The following ZNF784 variants were observed in gnomAD, a reference collection of about 807,000 sequenced individuals.
ZNF784 encodes the protein zinc finger protein 784.
In ZNF784, 5 loss-of-function variants were observed where a neutral mutation model predicts 3.3. That is an observed-to-expected ratio of 1.53 (90% CI 0.80 to 3.22). ZNF784 has a LOEUF of 3.22. Among genes scored for constraint, ZNF784 ranks in the 30% most tolerant of loss-of-function variants. The pLI, the probability that ZNF784 is intolerant of heterozygous loss-of-function variation, is 0.00. For synonymous variants in ZNF784, 231 were observed against 219.6 expected, an observed-to-expected ratio of 1.05 and a Z score of -0.46; for missense variants, 501 against 480.7, an observed-to-expected ratio of 1.04 and a Z score of -0.39.
chr19:55,624,374 TA>T, intron 1 of ZNF784, 109 bp downstream of exon 1: 1 of 721,264 alleles, frequency 1.4e-6, no homozygotes, highest in South Asian at 1.9e-5. Context: ...GCCATAGCAC[TA>T]AATACCTCCC....
At position 55,622,252 on chromosome 19, in the gene ZNF784, G is replaced by C. The variant is rs1305737886; in HGVS notation, c.471C>G (p.Thr157=). The change falls in exon 2 of 2, where the codon ACC becomes ACG. Residue 157 remains threonine, a synonymous_variant. Coordinates refer to ENST00000325351, the MANE Select transcript of ZNF784 (RefSeq NM_203374.2). The surrounding 1 kb of genome is among the most constrained non-coding windows in gnomAD (Gnocchi z 5.9). ...CCGCTGTGTCCGGAGGCCTCCGAGAGGTGCCCGGCTCCACCCCGTGCCGGT... is the reference window on the plus strand; with the variant it reads ...CCGCTGTGTCCGGAGGCCTCCGAGACGTGCCCGGCTCCACCCCGTGCCGGT... ...HQHRHGVEPG[T]SRRPPDTAAV... The C allele has an allele frequency of 1.3e-6, 2 of 1,536,356 alleles. No individual in the cohort carries two copies. Among genetic ancestry groups the C allele is most frequent in the African/African-American group, 1.4e-5 (1 of 72,974 alleles).
At chr19:55,624,389 C>T (rs1337839557) in intron 1 of ZNF784, 95 bp downstream of exon 1, 1 of 967,710 alleles carries the variant, frequency 1.0e-6, no homozygotes, top group Non-Finnish European at 1.5e-6. Flanking sequence ...ACCTCCCTCG[C>T]CCACCCCCTC....
Position 55,622,611 on chromosome 19 carries a change from G to T in ZNF784, c.112C>A (p.Pro38Thr). The change falls in exon 2 of 2, where the codon CCC (proline) becomes ACC (threonine). Residue 38 changes from proline to threonine, a missense_variant. Physicochemically the swap from Pro to Thr is conservative, Grantham distance 38 (BLOSUM62 -1). Transcript: ENST00000325351. This position sits in a 1 kb window ranked among gnomAD's most constrained non-coding sequence, Gnocchi z 5.9. Reference sequence around the variant, plus strand: ...TGGATCTCGATGAGGTCACTCGGGGGTGTGCCAGGCCGGCAGTCATCAGGC... The same window carrying T: ...TGGATCTCGATGAGGTCACTCGGGGTTGTGCCAGGCCGGCAGTCATCAGGC... ...LVPDDCRPGT[P>T]PSDLIEIQVV... 6.3e-7 allele frequency: 1 copy of T among 1,579,682 alleles called. No homozygotes were observed. The highest frequency in any genetic ancestry group is 8.6e-7 in the Non-Finnish European group (1 of 1,162,062).
In ZNF784 at chr19:55,621,528, C is replaced by T. The variant is rs1981549552; in HGVS notation, c.*223G>A. 1.5e-6 allele frequency: 1 copy of T among 645,986 alleles called. No individual in the cohort carries two copies. The highest frequency in any genetic ancestry group is 1.9e-5 in the South Asian group (1 of 51,294). 40.0% of individuals were successfully genotyped at this position (645,986 alleles called of 1,614,324 possible). A position where few individuals can be genotyped will look rare whatever the true frequency, so the allele number is the denominator to read the frequency against. Reference sequence around the variant, plus strand: ...CAGAGCTGCAAGAGCTGCACCTGTCCTCTCCTAGGCCTGGCAGAGGTGCTG... The same window carrying T: ...CAGAGCTGCAAGAGCTGCACCTGTCTTCTCCTAGGCCTGGCAGAGGTGCTG... On this transcript the variant is annotated 3_prime_UTR_variant, in exon 2 of 2. Coordinates refer to ENST00000325351, the MANE Select transcript of ZNF784 (RefSeq NM_203374.2). The surrounding 1 kb of genome is among the most constrained non-coding windows in gnomAD (Gnocchi z 4.1).
chr19:55,621,853 G>C lies in ZNF784; in HGVS notation c.870C>G (p.Gly290=), dbSNP rs560535944. ...PGLGDSGGQL[G]SSAAEGSGSG... Reference sequence around the variant, plus strand: ...TCCCCGACCCCTCAGCCGCCGACGAGCCCAGCTGGCCTCCAGAGTCTCCCA... The same window carrying C: ...TCCCCGACCCCTCAGCCGCCGACGACCCCAGCTGGCCTCCAGAGTCTCCCA... The change falls in exon 2 of 2, where the codon GGC becomes GGG. Residue 290 remains glycine (G), a synonymous_variant. Transcript: ENST00000325351. This position sits in a 1 kb window ranked among gnomAD's most constrained non-coding sequence, Gnocchi z 4.1. 3 of 1,584,222 alleles carry C rather than the reference G, an allele frequency of 1.9e-6. No homozygotes were observed. The East Asian group carries it at 6.8e-5, about 36-fold the overall frequency.
Position 55,622,008 on chromosome 19 carries a change from G to A in ZNF784, c.715C>T (p.Leu239Phe). 6.3e-7 allele frequency: 1 copy of A among 1,594,228 alleles called. No individual in the cohort carries two copies. Among genetic ancestry groups the A allele is most frequent in the Non-Finnish European group, 8.5e-7 (1 of 1,178,098 alleles). Reference protein sequence around the residue: ...CGKGFTQSSVLSGHARIHTGE... With the variant: ...CGKGFTQSSVFSGHARIHTGE... ...GTGTGGATGCGGGCGTGGCCGCTAA[G>A]CACCGAGGACTGGGTGAAGCCCTTG... The change falls in exon 2 of 2, where the codon CTT (leucine) becomes TTT (phenylalanine). Residue 239 changes from leucine to phenylalanine, a missense_variant. Transcript: ENST00000325351. This position sits in a 1 kb window ranked among gnomAD's most constrained non-coding sequence, Gnocchi z 5.9.
intron 1 of ZNF784, 50 bp downstream of exon 1, chr19:55,624,434 G>A: frequency 1.0e-6 from 1 of 965,234 alleles, no homozygotes; most frequent in Non-Finnish European, 1.5e-6. Flanking sequence ...CCCACACTAC[G>A]ACCTCCTCCC....
rs1290146168 is a variant in ZNF784 at position 55,622,342 on chromosome 19, C to T, written c.381G>A (p.Arg127=). 1.3e-6 allele frequency: 2 copies of T among 1,512,020 alleles called. No homozygotes were observed. Among genetic ancestry groups the T allele is most frequent in the Non-Finnish European group, 1.8e-6 (2 of 1,131,450 alleles). The allele number at this position is 1,512,020 out of a possible 1,614,324, so 93.7% of individuals were successfully genotyped here. ...GGGGGCAGAGCGCGCAGCGGTAGGGCCGCTCCCCCGTGTGCAAGCTGTAGT... is the reference window on the plus strand; with the variant it reads ...GGGGGCAGAGCGCGCAGCGGTAGGGTCGCTCCCCCGTGTGCAAGCTGTAGT... The part of the protein sequence containing the change: ...RAHYSLHTGE[R]PYRCALCPRA... The change falls in exon 2 of 2, where the codon CGG becomes CGA. Residue 127 remains arginine, a synonymous_variant. Transcript: ENST00000325351. The surrounding 1 kb of genome is among the most constrained non-coding windows in gnomAD (Gnocchi z 5.9).
chr19:55,622,173 C>G lies in ZNF784; in HGVS notation c.550G>C (p.Ala184Pro), dbSNP rs1010006938. The G allele has an allele frequency of 7.2e-6, 11 of 1,533,516 alleles. No individual in the cohort carries two copies. In the African/African-American group the frequency reaches 1.5e-4, roughly 21 times the overall value. The allele number at this position is 1,533,516 out of a possible 1,614,324, so 95.0% of individuals were successfully genotyped here. The change falls in exon 2 of 2, where the codon GCG becomes CCG. Residue 184 changes from alanine (A) to proline (P), a missense_variant. Transcript: ENST00000325351. The surrounding 1 kb of genome is among the most constrained non-coding windows in gnomAD (Gnocchi z 5.9). ...ACCGCTGCGCCCGCCGCCGCCGCCGCCATCACCACCTCCGCCCTCTCCGGG... is the reference window on the plus strand; with the variant it reads ...ACCGCTGCGCCCGCCGCCGCCGCCGGCATCACCACCTCCGCCCTCTCCGGG... ...VAPERAEVVM[A>P]AAAAGAAVGK... is the part of the protein sequence containing the mutation.
chr19:55,624,399 C>A, intron 1 of ZNF784, 85 bp downstream of exon 1: 1 of 1,179,302 alleles, frequency 8.5e-7, no homozygotes, highest in Non-Finnish European at 1.2e-6. Flanking sequence ...CCCACCCCCT[C>A]ATAGGCCACG....
chr19:55,622,598 A>C lies in ZNF784; in HGVS notation c.125T>G (p.Leu42Arg). ...CACCTTCACCACCTGGATCTCGATG[A>C]GGTCACTCGGGGGTGTGCCAGGCCG... ...DCRPGTPPSD[L>R]IEIQVVKVTD... Residue 42 changes from leucine to arginine, a missense_variant, in exon 2 of 2, where the codon CTC becomes CGC. Coordinates refer to ENST00000325351, the MANE Select transcript of ZNF784 (RefSeq NM_203374.2). This position sits in a 1 kb window ranked among gnomAD's most constrained non-coding sequence, Gnocchi z 5.9. 4 of 1,596,772 alleles carry C rather than the reference A, an allele frequency of 2.5e-6. No homozygotes were observed. Among genetic ancestry groups the C allele is most frequent in the Non-Finnish European group, 1.7e-6 (2 of 1,171,356 alleles).
rs1343352773 is a variant in ZNF784, at chr19:55,621,358, C to A, written c.*393G>T. ...AGAAGACTATGGTGGACCCCAATTC[C>A]CCCCTTCCATTCGATCCTGGCTCCT... On this transcript the variant is annotated 3_prime_UTR_variant, in exon 2 of 2. Coordinates refer to ENST00000325351, the MANE Select transcript of ZNF784 (RefSeq NM_203374.2). The surrounding 1 kb of genome is among the most constrained non-coding windows in gnomAD (Gnocchi z 4.1). The A allele has an allele frequency of 6.3e-6, 2 of 316,536 alleles. No individual in the cohort carries two copies. The highest frequency in any genetic ancestry group is 1.2e-5 in the Non-Finnish European group (2 of 165,590). The allele number at this position is 316,536 out of a possible 1,614,324, so 19.6% of individuals were successfully genotyped here. A position where few individuals can be genotyped will look rare whatever the true frequency, so the allele number is the denominator to read the frequency against.
In ZNF784 at chr19:55,624,472, C is replaced by T. The variant is rs750771617; in HGVS notation, c.78+12G>A. 6.2e-7 allele frequency: 1 copy of T among 1,600,306 alleles called. No homozygotes were observed. The highest frequency in any genetic ancestry group is 1.1e-5 in the South Asian group (1 of 88,854). ...CTCGAGCCCCACGCCCAGGCCCCTT[C>T]CTTGCCCGCACCAGGTCCAGTGGCT... On this transcript the variant is annotated intron_variant, in intron 1 of 1. Coordinates refer to ENST00000325351, the MANE Select transcript of ZNF784 (RefSeq NM_203374.2).
At position 55,622,303 on chromosome 19, in the gene ZNF784, G is replaced by T; in HGVS notation, c.420C>A (p.Ala140=). Residue 140 remains alanine (A), a synonymous_variant, in exon 2 of 2, where the codon GCC becomes GCA. Transcript: ENST00000325351. This position sits in a 1 kb window ranked among gnomAD's most constrained non-coding sequence, Gnocchi z 5.9. The part of the protein sequence containing the change: ...RCALCPRAFK[A]LAPLLRHQHR... ...GCTGGTGCCGGAGCAGGGGCGCCAA[G>T]GCCTTGAAGGCGCGGGGGCAGAGCG... 6.6e-7 allele frequency: 1 copy of T among 1,519,798 alleles called. No individual in the cohort carries two copies. Among genetic ancestry groups the T allele is most frequent in the African/African-American group, 1.4e-5 (1 of 72,020 alleles). 94.1% of individuals were successfully genotyped at this position (1,519,798 alleles called of 1,614,324 possible).
In ZNF784 at chr19:55,622,786, G is replaced by A; in HGVS notation, c.79-142C>T. ...TGCCCTGGCGCGATCGTGGCTCATT[G>A]CAACCTTGACCTCCTGGGCTCAAGC... On this transcript the variant is annotated intron_variant, in intron 1 of 1. Transcript: ENST00000325351. The surrounding 1 kb of genome is among the most constrained non-coding windows in gnomAD (Gnocchi z 5.9). 1.4e-6 allele frequency: 1 copy of A among 704,124 alleles called. No individual in the cohort carries two copies. Among genetic ancestry groups the A allele is most frequent in the Non-Finnish European group, 2.1e-6 (1 of 470,788 alleles). 43.6% of individuals were successfully genotyped at this position (704,124 alleles called of 1,614,324 possible). A position where few individuals can be genotyped will look rare whatever the true frequency, so the allele number is the denominator to read the frequency against.
In ZNF784 at chr19:55,621,679, C is replaced by T; in HGVS notation, c.*72G>A. ...CCTCTTCTGTCCCCTGCCTCCGTTT[C>T]CCCACCCCGTCCCCCTCCCCGGGTC... On this transcript the variant is annotated 3_prime_UTR_variant, in exon 2 of 2. Transcript: ENST00000325351. The surrounding 1 kb of genome is among the most constrained non-coding windows in gnomAD (Gnocchi z 4.1). 2 of 1,462,140 alleles carry T rather than the reference C, an allele frequency of 1.4e-6. No individual in the cohort carries two copies. The highest frequency in any genetic ancestry group is 1.9e-6 in the Non-Finnish European group (2 of 1,078,102). The allele number at this position is 1,462,140 out of a possible 1,614,324, so 90.6% of individuals were successfully genotyped here.
Position 55,621,499 on chromosome 19 carries a change from C to A in ZNF784, c.*252G>T, listed in dbSNP as rs537903812. The stretch of plus-strand genomic sequence containing the variant: ...CGTGGGCCTTGCCTTTGGCCGCACA[C>A]CCGCAGAGCTGCAAGAGCTGCACCT... On this transcript the variant is annotated 3_prime_UTR_variant, in exon 2 of 2. Transcript: ENST00000325351. This position sits in a 1 kb window ranked among gnomAD's most constrained non-coding sequence, Gnocchi z 4.1. The A allele has an allele frequency of 1.4e-4, 85 of 596,366 alleles. 1 individual carries two copies. In the Admixed American group the frequency reaches 1.7e-3, roughly 12 times the overall value. The allele number at this position is 596,366 out of a possible 1,614,324, so 36.9% of individuals were successfully genotyped here.
intron 1 of ZNF784, among the ~76,000 whole-genome samples, chr19:55,623,872 G>A (rs984841008): frequency 6.6e-6 from 1 of 152,112 alleles, no homozygotes; most frequent in African/African-American, 2.4e-5. Flanking sequence ...TATTTACAGA[G>A]CCGAAGTAGG....
intron 1 of ZNF784, 74 bp downstream of exon 1, chr19:55,624,409 GC>G: frequency 4.5e-6 from 2 of 449,050 alleles, no homozygotes; most frequent in Non-Finnish European, 3.6e-6. Context: ...CATAGGCCAC[GC>G]CCCGGACCCG....
Sources: allele counts gnomAD v4.1 joint callset (sites outside exome capture counted in the v4.1 genomes callset), GRCh38; gene constraint gnomAD v4.1.1; non-coding constraint Gnocchi (gnomAD v3.1); transcripts MANE v1.5; gene names NCBI Gene and HGNC (gene_info 2026-07-23, HGNC 2026-07-21).